The following SYT1 variants were observed in gnomAD, a reference collection of about 807,000 sequenced individuals.
The protein encoded by SYT1 is synaptotagmin-1.
In SYT1, 8 loss-of-function variants were observed where a neutral mutation model predicts 44.8. That is an observed-to-expected ratio of 0.18 (90% CI 0.10 to 0.32). The LOEUF (loss-of-function observed/expected upper bound fraction) is 0.32, where lower values mean the gene tolerates loss of function less well. Among genes scored for constraint, SYT1 ranks in the 10% least tolerant of loss-of-function variants. SYT1 has a pLI of 1.00. For synonymous variants in SYT1, 154 were observed against 188.8 expected (o/e 0.82, Z 1.51); for missense variants, 286 against 509.3 (o/e 0.56, Z 4.22).
chr12:78,980,914 CA>C (rs774388013), intron 2 of SYT1, among the ~76,000 whole-genome samples: 3 of 151,916 alleles, frequency 2.0e-5, no homozygotes, highest in South Asian at 4.2e-4. Context: ...TCTCCTGAGC[CA>C]GGGGGGAGAG....
chr12:79,043,513 T>C (rs1459457208), intron 2 of SYT1, among the ~76,000 whole-genome samples: 1 of 150,680 alleles, frequency 6.6e-6, no homozygotes, highest in African/African-American at 2.5e-5. Flanking sequence ...TTTGAGCCTA[T>C]GTGTGTCTCT....
intron 2 of SYT1, among the ~76,000 whole-genome samples, chr12:79,027,705 C>A (rs1021515412): frequency 6.6e-6 from 1 of 151,312 alleles, no homozygotes; most frequent in African/African-American, 2.4e-5. Flanking sequence ...ACATAATATT[C>A]TATGGATATT....
At chr12:79,403,988 T>G (rs2136119810) in intron 9 of SYT1, among the ~76,000 whole-genome samples, 1 of 152,312 alleles carries the variant, frequency 6.6e-6, no homozygotes, top group East Asian at 1.9e-4. Flanking sequence ...CTGTGTGTTT[T>G]CATTAAATAT....
At position 78,973,932 on chromosome 12, in the gene SYT1, AAAAAAAATATATATATATATATATATAT is replaced by A. The variant is rs1486734983; in HGVS notation, c.-216-3865_-216-3838del. Among the ~76,000 whole-genome samples, 7 of 34,038 alleles carry A rather than the reference AAAAAAAATATATATATATATATATATAT, an allele frequency of 2.1e-4. 1 individual carries two copies. The highest frequency in any genetic ancestry group is 2.7e-4 in the Non-Finnish European group (5 of 18,370). The allele number at this position is 34,038 out of a possible 152,430, so 22.3% of individuals were successfully genotyped here. A position where few individuals can be genotyped will look rare whatever the true frequency, so the allele number is the denominator to read the frequency against. On this transcript the variant is annotated intron_variant, in intron 1 of 10. Coordinates refer to ENST00000261205, the MANE Select transcript of SYT1 (RefSeq NM_005639.3). The stretch of plus-strand genomic sequence containing the variant: ...GACGAACACCAAAAAAAAAAAAAAA[AAAAAAAATATATATATATATATATATAT>A]ATATATATATATATATATATATATA...
At chr12:79,447,193 CCTT>C (rs756128945) in intron 10 of SYT1, among the ~76,000 whole-genome samples, 1 of 152,082 alleles carries the variant, frequency 6.6e-6, no homozygotes, top group South Asian at 2.1e-4. Context: ...TTTCTCTGCT[CCTT>C]GAGTCACTTT....
intron 1 of SYT1, among the ~76,000 whole-genome samples, chr12:78,927,356 C>T (rs1877360268): frequency 1.3e-5 from 2 of 152,102 alleles, no homozygotes; most frequent in African/African-American, 4.8e-5. Flanking sequence ...TTTGAACACC[C>T]AATCTTTGGG....
At chr12:79,389,459 C>T (rs2136089645) in intron 9 of SYT1, among the ~76,000 whole-genome samples, 1 of 152,234 alleles carries the variant, frequency 6.6e-6, no homozygotes, top group South Asian at 2.1e-4. Context: ...ATGAATCAGG[C>T]ACTGTGCTAA....
At chr12:78,890,435 T>C (rs1356110715) in intron 1 of SYT1, among the ~76,000 whole-genome samples, 3 of 151,906 alleles carry the variant, frequency 2.0e-5, no homozygotes, top group Admixed American at 2.0e-4. Context: ...ATATACCTAA[T>C]GTAAATGACG....
At chr12:78,907,427 T>C (rs962204030) in intron 1 of SYT1, among the ~76,000 whole-genome samples, 8 of 151,960 alleles carry the variant, frequency 5.3e-5, no homozygotes, top group African/African-American at 1.9e-4. Flanking sequence ...GATTTATGTA[T>C]AAATCAGAAT....
At chr12:79,420,114 A>G (rs1347525323) in intron 9 of SYT1, among the ~76,000 whole-genome samples, 1 of 152,134 alleles carries the variant, frequency 6.6e-6, no homozygotes, top group African/African-American at 2.4e-5. Context: ...GCTGTCACAG[A>G]CAATACAACA....
At chr12:79,243,744 G>A (rs1876652275) in intron 4 of SYT1, among the ~76,000 whole-genome samples, 1 of 151,770 alleles carries the variant, frequency 6.6e-6, no homozygotes, top group Non-Finnish European at 1.5e-5. Flanking sequence ...AAGTTCACAG[G>A]GCCTTCCAAG....
chr12:78,972,155 A>T (rs1208984228), intron 1 of SYT1, among the ~76,000 whole-genome samples: 2 of 152,122 alleles, frequency 1.3e-5, no homozygotes, highest in East Asian at 3.9e-4. Context: ...TTTCTCCCCC[A>T]TTTGCTGCCT....
intron 2 of SYT1, among the ~76,000 whole-genome samples, chr12:79,031,255 T>G (rs183912715): frequency 6.6e-6 from 1 of 151,136 alleles, no homozygotes; most frequent in Admixed American, 6.6e-5. Flanking sequence ...AATAAGAACA[T>G]TTTCCTTAGT....
At position 79,451,325 on chromosome 12, in the gene SYT1, G is replaced by T. The variant is rs1871048493; in HGVS notation, c.*2201G>T. The T allele has an allele frequency of 6.6e-6, 1 of 152,152 alleles. No homozygotes were observed. Among genetic ancestry groups the T allele is most frequent in the Admixed American group, 6.5e-5 (1 of 15,280 alleles). 9.4% of individuals were successfully genotyped at this position (152,152 alleles called of 1,614,324 possible). A position where few individuals can be genotyped will look rare whatever the true frequency, so the allele number is the denominator to read the frequency against. ...AGTCAGAATGTGAAATTAAATAATG[G>T]TTTGAACAGAAAATTCAAACAAGAC... On this transcript the variant is annotated 3_prime_UTR_variant, in exon 11 of 11. Coordinates refer to ENST00000261205, the MANE Select transcript of SYT1 (RefSeq NM_005639.3).
At chr12:79,334,038 C>T (rs1881978247) in intron 8 of SYT1, among the ~76,000 whole-genome samples, 1 of 152,094 alleles carries the variant, frequency 6.6e-6, no homozygotes, top group Non-Finnish European at 1.5e-5. Flanking sequence ...TTTACCTTTG[C>T]TTTTAATGAG....
intron 3 of SYT1, among the ~76,000 whole-genome samples, chr12:79,179,235 GAT>G (rs1222958140): frequency 3.3e-5 from 2 of 61,454 alleles, no homozygotes; most frequent in African/African-American, 1.8e-4. Context: ...TATAGATATA[GAT>G]ATATAGATAT....
intron 8 of SYT1, among the ~76,000 whole-genome samples, chr12:79,348,866 GGAAA>G (rs960883197): frequency 6.4e-5 from 9 of 140,784 alleles, no homozygotes; most frequent in East Asian, 2.1e-4. Flanking sequence ...GGAAGTGGAA[GGAAA>G]GAAAGAAAGA....
intron 3 of SYT1, among the ~76,000 whole-genome samples, chr12:79,161,177 T>A (rs1429114296): frequency 6.6e-6 from 1 of 152,042 alleles, no homozygotes; most frequent in Non-Finnish European, 1.5e-5. Flanking sequence ...GAGGCAAAGG[T>A]TGTAGTGAGC....
chr12:79,088,884 C>A (rs1401033518), intron 3 of SYT1, among the ~76,000 whole-genome samples: 3 of 151,532 alleles, frequency 2.0e-5, no homozygotes, highest in African/African-American at 7.3e-5. Context: ...TGGCATTCAA[C>A]AAAGAGAGGT....
Sources: allele counts gnomAD v4.1 joint callset (sites outside exome capture counted in the v4.1 genomes callset), GRCh38; gene constraint gnomAD v4.1.1; transcripts MANE v1.5; gene names NCBI Gene and HGNC (gene_info 2026-07-23, HGNC 2026-07-21).